The following STARD13 variants were observed in gnomAD, a reference collection of about 807,000 sequenced individuals.
STARD13 encodes the protein StAR related lipid transfer domain containing 13.
A neutral mutation model predicts 106.4 loss-of-function variants in STARD13; 62 were observed. The ratio of observed to expected loss-of-function variants is 0.58; its 90% CI spans 0.48 to 0.72. STARD13 has a LOEUF of 0.72. Ranked by LOEUF, STARD13 falls within the 30% of genes least tolerant of loss-of-function variation. STARD13 has a pLI of 0.00. For synonymous variants in STARD13, 565 were observed against 553.0 expected (o/e 1.02, Z -0.31); for missense variants, 1,387 against 1,424.0 (o/e 0.97, Z 0.42).
intron 4 of STARD13, among the ~76,000 whole-genome samples, chr13:33,132,476 G>A (rs569036485): frequency 6.6e-6 from 1 of 152,266 alleles, no homozygotes; most frequent in East Asian, 1.9e-4. Flanking sequence ...ATGATTGTGA[G>A]GCCTGCTTAC....
chr13:33,543,758 A>G, the STARD13 span, among the ~76,000 whole-genome samples: 1 of 152,208 alleles, frequency 6.6e-6, no homozygotes, highest in Non-Finnish European at 1.5e-5. Context: ...ATACAGCTGG[A>G]TTAGTGTAGC....
the STARD13 span, among the ~76,000 whole-genome samples, chr13:33,508,127 T>A: frequency 6.6e-6 from 1 of 152,310 alleles, no homozygotes; most frequent in Non-Finnish European, 1.5e-5. Flanking sequence ...TGATTTAGCA[T>A]CTTCTTCAGG....
At chr13:33,240,687 C>G (rs762818751) in intron 1 of STARD13, among the ~76,000 whole-genome samples, 1 of 151,382 alleles carries the variant, frequency 6.6e-6, no homozygotes, top group Non-Finnish European at 1.5e-5. Context: ...TAAGTTTATC[C>G]TTAAGTATTT....
Position 33,170,559 on chromosome 13 carries a change from C to T in STARD13, c.170-2937G>A, listed in dbSNP as rs144800667. On this transcript the variant is annotated intron_variant, in intron 1 of 13. Coordinates refer to ENST00000336934, the MANE Select transcript of STARD13 (RefSeq NM_178006.4). ...CAAATAAGATGATTTTTTTTGTTTGCTTTAATGGGCAGGCACTTAAACTTT... is the reference window on the plus strand; with the variant it reads ...CAAATAAGATGATTTTTTTTGTTTGTTTTAATGGGCAGGCACTTAAACTTT... Among the ~76,000 whole-genome samples the T allele has an allele frequency of 8.9e-3, 1,357 of 152,066 alleles. 25 individuals carry two copies. The highest frequency in any genetic ancestry group is 0.031 in the African/African-American group (1,296 of 41,506).
the STARD13 span, among the ~76,000 whole-genome samples, chr13:33,523,628 TTATAAA>T: frequency 6.6e-6 from 1 of 152,082 alleles, no homozygotes; most frequent in Non-Finnish European, 1.5e-5. Context: ...TTCAAAAAAG[TTATAAA>T]TATAATGAAA....
the STARD13 span, among the ~76,000 whole-genome samples, chr13:33,588,627 T>C: frequency 6.6e-6 from 1 of 152,186 alleles, no homozygotes; most frequent in Non-Finnish European, 1.5e-5. Flanking sequence ...TTCAGTACCA[T>C]TGTCATGATT....
chr13:33,411,561 C>T, the STARD13 span, among the ~76,000 whole-genome samples: 1 of 151,956 alleles, frequency 6.6e-6, no homozygotes, highest in Non-Finnish European at 1.5e-5. Flanking sequence ...TGGGAAGAGG[C>T]TCCCACCGAG....
At chr13:33,358,689 C>T in the STARD13 span, among the ~76,000 whole-genome samples, 228 of 152,170 alleles carry the variant, frequency 1.5e-3, no homozygotes, top group African/African-American at 5.2e-3. Context: ...AATCAGCATC[C>T]TGTGTTTAGC....
the STARD13 span, among the ~76,000 whole-genome samples, chr13:33,613,275 G>A: frequency 1.3e-5 from 2 of 152,234 alleles, no homozygotes; most frequent in Admixed American, 1.3e-4. Flanking sequence ...GGCTCAGAAA[G>A]GGTGAGTCTA....
At chr13:33,306,203 G>A (rs1257990764) in intron 1 of STARD13, among the ~76,000 whole-genome samples, 3 of 152,068 alleles carry the variant, frequency 2.0e-5, no homozygotes, top group Non-Finnish European at 4.4e-5. Context: ...CTTCAACAAA[G>A]CTGACAAAAA....
intron 1 of STARD13, among the ~76,000 whole-genome samples, chr13:33,187,950 G>T (rs996921629): frequency 6.6e-6 from 1 of 152,180 alleles, no homozygotes; most frequent in Non-Finnish European, 1.5e-5. Context: ...CTCCCAAAGT[G>T]CTGGGATTAT....
At position 33,115,537 on chromosome 13, in the gene STARD13, T is replaced by G. The variant is rs551903443; in HGVS notation, c.2281+2528A>C. Among the ~76,000 whole-genome samples, 7 of 152,334 alleles carry G rather than the reference T, an allele frequency of 4.6e-5. No individual in the cohort carries two copies. In the East Asian group the frequency reaches 1.4e-3, roughly 29 times the overall value. ...GCTCAACTCAATACCCATTCTTCCC[T>G]TCTTCCTCATTAAGAAAACACATGT... On this transcript the variant is annotated intron_variant, in intron 8 of 13. Coordinates refer to ENST00000336934, the MANE Select transcript of STARD13 (RefSeq NM_178006.4).
the STARD13 span, among the ~76,000 whole-genome samples, chr13:33,498,716 A>G: frequency 2.0e-5 from 3 of 152,264 alleles, no homozygotes; most frequent in African/African-American, 7.2e-5. Context: ...AGTAAAGAGT[A>G]CATTCAGCTA....
At chr13:33,358,300 G>A in the STARD13 span, among the ~76,000 whole-genome samples, 3 of 152,150 alleles carry the variant, frequency 2.0e-5, no homozygotes, top group African/African-American at 4.8e-5. Context: ...GAGCCTCCCC[G>A]AGGAGCACCA....
At chr13:33,215,744 A>G (rs772673863) in intron 1 of STARD13, among the ~76,000 whole-genome samples, 1 of 152,196 alleles carries the variant, frequency 6.6e-6, no homozygotes, top group Non-Finnish European at 1.5e-5. Flanking sequence ...CATAGATAGA[A>G]CAGGAAACTT....
chr13:33,347,150 C>T (rs1419631844), downstream of STARD13, among the ~76,000 whole-genome samples: 6 of 152,236 alleles, frequency 3.9e-5, no homozygotes, highest in Admixed American at 2.6e-4. Context: ...CAGTTATACA[C>T]CACGCAACGT....
intron 4 of STARD13, among the ~76,000 whole-genome samples, chr13:33,135,750 A>C (rs1236775817): frequency 6.6e-6 from 1 of 152,222 alleles, no homozygotes; most frequent in Non-Finnish European, 1.5e-5. Context: ...AGAATTTTAG[A>C]TATACATTAT....
At chr13:33,569,696 C>A in the STARD13 span, among the ~76,000 whole-genome samples, 9 of 147,794 alleles carry the variant, frequency 6.1e-5, 2 homozygotes, top group Non-Finnish European at 1.2e-4. Flanking sequence ...TCATTATTAA[C>A]TTCAATCGTA....
At chr13:33,473,135 C>T in the STARD13 span, among the ~76,000 whole-genome samples, 1 of 152,116 alleles carries the variant, frequency 6.6e-6, no homozygotes, top group Non-Finnish European at 1.5e-5. Flanking sequence ...ATCCCATGTG[C>T]CAGGCATGGT....
Sources: gnomAD v4.1 joint callset for allele counts (sites outside exome capture counted in the v4.1 genomes callset) on GRCh38, gnomAD v4.1.1 for gene constraint, MANE v1.5 for transcripts, NCBI Gene and HGNC (gene_info 2026-07-23, HGNC 2026-07-21) for gene names.